FMN1: variants seen among roughly 807,000 people sequenced by gnomAD.
The protein encoded by FMN1 is formin 1.
A neutral mutation model predicts 132.4 loss-of-function variants in FMN1; 110 were observed. The ratio of observed to expected loss-of-function variants is 0.83; its 90% CI spans 0.71 to 0.97. FMN1 has a LOEUF of 0.97. FMN1 is among the 50% of genes least tolerant of loss of function. The pLI is 0.00. For missense variants in FMN1, 1,792 were observed against 1,705.3 expected (o/e 1.05, Z -0.90); for synonymous variants, 722 against 651.7 (o/e 1.11, Z -1.64).
intron 16 of FMN1, among the ~76,000 whole-genome samples, chr15:32,883,984 G>A (rs982469568): frequency 1.3e-5 from 2 of 152,102 alleles, no homozygotes; most frequent in African/African-American, 4.8e-5. Context: ...AATATTTTTA[G>A]GTGCTACTAT....
At chr15:32,945,459 T>C (rs1354532257) in intron 9 of FMN1, among the ~76,000 whole-genome samples, 1 of 152,182 alleles carries the variant, frequency 6.6e-6, no homozygotes, top group Non-Finnish European at 1.5e-5. Context: ...GTCTTGTCTA[T>C]ATAATTTCTC....
chr15:33,101,726 C>T (rs1001031598), intron 4 of FMN1, among the ~76,000 whole-genome samples: 3 of 152,134 alleles, frequency 2.0e-5, no homozygotes, highest in African/African-American at 7.2e-5. Flanking sequence ...CCTATCCCAT[C>T]GGTCCTATGA....
At chr15:32,809,492 T>C (rs1375902033) in intron 17 of FMN1, among the ~76,000 whole-genome samples, 2 of 152,158 alleles carry the variant, frequency 1.3e-5, no homozygotes, top group African/African-American at 4.8e-5. Flanking sequence ...GCCATCCCCA[T>C]ACTATCATCC....
chr15:33,089,020 A>C, intron 4 of FMN1, 46 bp from the exon 5 acceptor site: 1 of 1,462,708 alleles, frequency 6.8e-7, no homozygotes, highest in Non-Finnish European at 9.1e-7. Flanking sequence ...CAGCCAAATA[A>C]ATAAATAAAT....
chr15:32,852,254 G>A (rs180837323), intron 17 of FMN1, among the ~76,000 whole-genome samples: 1 of 152,060 alleles, frequency 6.6e-6, no homozygotes, highest in Non-Finnish European at 1.5e-5. Flanking sequence ...ATCCAAGCAA[G>A]AAAAAGGAGT....
At chr15:33,183,057 A>C (rs1375489264) in intron 2 of FMN1, among the ~76,000 whole-genome samples, 1 of 152,152 alleles carries the variant, frequency 6.6e-6, no homozygotes, top group Non-Finnish European at 1.5e-5. Context: ...CCTTAAATAC[A>C]CTGTCCTATG....
At chr15:32,970,495 T>C (rs1220330494) in intron 7 of FMN1, among the ~76,000 whole-genome samples, 1 of 152,168 alleles carries the variant, frequency 6.6e-6, no homozygotes, top group African/African-American at 2.4e-5. Context: ...TCAGCAGCAA[T>C]GGATGGATAA....
intron 9 of FMN1, among the ~76,000 whole-genome samples, chr15:32,939,068 T>G (rs912843443): frequency 8.5e-5 from 13 of 152,218 alleles, no homozygotes; most frequent in Non-Finnish European, 1.9e-4. Context: ...CTCTGCACAT[T>G]AGCCAATCCA....
chr15:32,822,844 C>A (rs1034775384), intron 17 of FMN1, among the ~76,000 whole-genome samples: 3 of 152,118 alleles, frequency 2.0e-5, no homozygotes, highest in Admixed American at 1.3e-4. Flanking sequence ...CACACATGTT[C>A]TGAATATCTG....
chr15:32,917,902 G>A lies in FMN1; in HGVS notation c.3227-7367C>T, dbSNP rs138884271. On this transcript the variant is annotated intron_variant, in intron 10 of 20. Transcript: ENST00000616417. ...AATCCCAGAGTGGGAAGCACATACA[G>A]CCCATGTTATGAAAATTTCATTTAT... Among the ~76,000 whole-genome samples, 11 of 152,222 alleles carry A rather than the reference G, an allele frequency of 7.2e-5. 1 individual carries two copies. In the East Asian group the frequency reaches 2.1e-3, roughly 29 times the overall value.
At chr15:33,156,905 AG>A in intron 3 of FMN1, among the ~76,000 whole-genome samples, 1 of 152,270 alleles carries the variant, frequency 6.6e-6, no homozygotes, top group South Asian at 2.1e-4. Context: ...ATTTTCCTCT[AG>A]CTGTTCTCAT....
chr15:32,823,244 C>T (rs1447405638), intron 17 of FMN1, among the ~76,000 whole-genome samples: 1 of 145,362 alleles, frequency 6.9e-6, no homozygotes, highest in African/African-American at 2.6e-5. Flanking sequence ...TCACTGCAAG[C>T]TCTGCCTCCT....
At chr15:32,914,089 C>T (rs1168028014) in intron 10 of FMN1, among the ~76,000 whole-genome samples, 1 of 152,128 alleles carries the variant, frequency 6.6e-6, no homozygotes, top group Non-Finnish European at 1.5e-5. Flanking sequence ...ATACCGCTTG[C>T]CTGAATACTC....
intron 4 of FMN1, among the ~76,000 whole-genome samples, chr15:33,095,849 T>C (rs968873143): frequency 1.3e-5 from 2 of 152,128 alleles, no homozygotes; most frequent in Non-Finnish European, 2.9e-5. Context: ...GTTGTCTTAA[T>C]AGCTAAGGAA....
chr15:32,999,588 G>C (rs900708702), intron 7 of FMN1, among the ~76,000 whole-genome samples: 1 of 152,182 alleles, frequency 6.6e-6, no homozygotes, highest in Non-Finnish European at 1.5e-5. Context: ...AATGAGCAGG[G>C]GGCCTGCCAG....
At chr15:33,054,793 TCA>T (rs1166816346) in intron 6 of FMN1, among the ~76,000 whole-genome samples, 2 of 152,188 alleles carry the variant, frequency 1.3e-5, no homozygotes, top group African/African-American at 2.4e-5. Context: ...CTTTTATGTC[TCA>T]GTTATTTAAA....
intron 8 of FMN1, among the ~76,000 whole-genome samples, chr15:32,968,404 A>G (rs1359229477): frequency 6.6e-6 from 1 of 152,208 alleles, no homozygotes; most frequent in Non-Finnish European, 1.5e-5. Context: ...AATCAATTGT[A>G]GTGATGTTGG....
chr15:32,968,773 G>C lies in FMN1; in HGVS notation c.2928C>G (p.Ile976Met), dbSNP rs746477107. 4 of 1,610,908 alleles carry C rather than the reference G, an allele frequency of 2.5e-6. No individual in the cohort carries two copies. The highest frequency in any genetic ancestry group is 4.5e-5 in the East Asian group (2 of 44,724). ...SSSQCPRKPA[I>M]EPSCPMKPLY... is the part of the protein sequence containing the mutation. ...AAGGCTTCATGGGACAACTGGGCTCGATGGCTGGTTTTCGAGGACATTGAC... is the reference window on the plus strand; with the variant it reads ...AAGGCTTCATGGGACAACTGGGCTCCATGGCTGGTTTTCGAGGACATTGAC... Residue 976 changes from isoleucine (I) to methionine (M), a missense_variant, in exon 8 of 21, where the codon ATC (isoleucine) becomes ATG (methionine). By Grantham distance (10) the Ile-to-Met change is conservative (BLOSUM62 1). This residue lies in a region of FMN1 where 1,150 missense variants were observed against 1,043.1 expected (regional missense o/e 1.10). Transcript: ENST00000616417.
intron 9 of FMN1, among the ~76,000 whole-genome samples, chr15:32,946,495 G>A (rs1020480383): frequency 3.3e-5 from 5 of 152,166 alleles, no homozygotes; most frequent in African/African-American, 1.2e-4. Context: ...CAGCAAAGAT[G>A]TACATTCCTA....
Sources: gnomAD v4.1 joint callset for allele counts (sites outside exome capture counted in the v4.1 genomes callset) on GRCh38, gnomAD v4.1.1 for gene constraint, gnomAD v4.1.1 regional missense constraint, MANE v1.5 for transcripts, NCBI Gene and HGNC (gene_info 2026-07-23, HGNC 2026-07-21) for gene names.